The following ADAMTSL1 variants were observed in gnomAD, a reference collection of about 807,000 sequenced individuals.
ADAMTSL1 encodes the protein ADAMTS-like protein 1.
A neutral mutation model predicts 201.8 loss-of-function variants in ADAMTSL1; 126 were observed. The observed-to-expected ratio is 0.62, with a 90% confidence interval of 0.54 to 0.72. ADAMTSL1 has a LOEUF of 0.72. Among genes scored for constraint, ADAMTSL1 ranks in the 30% least tolerant of loss-of-function variants. The pLI, the probability that ADAMTSL1 is intolerant of heterozygous loss-of-function variation, is 0.00. For missense variants in ADAMTSL1, 2,679 were observed against 2,277.8 expected (o/e 1.18, Z -3.59); for synonymous variants, 1,121 against 903.4 (o/e 1.24, Z -4.32).
intron 2 of ADAMTSL1, among the ~76,000 whole-genome samples, chr9:18,269,827 G>A (rs929498479): frequency 2.1e-5 from 3 of 142,846 alleles, no homozygotes; most frequent in Admixed American, 7.4e-5. Flanking sequence ...TCTGCAGAGA[G>A]TTTGTTTCCT....
chr9:18,487,727 T>C (rs572009834), intron 1 of ADAMTSL1, among the ~76,000 whole-genome samples: 2 of 152,306 alleles, frequency 1.3e-5, no homozygotes, highest in South Asian at 4.1e-4. Context: ...TATTCAGTGC[T>C]TAGAGCAAAC....
intron 1 of ADAMTSL1, among the ~76,000 whole-genome samples, chr9:17,961,291 C>T (rs982214516): frequency 1.3e-5 from 2 of 152,024 alleles, no homozygotes; most frequent in Non-Finnish European, 2.9e-5. Flanking sequence ...TCTTGTTGCC[C>T]AGGCTGGAGT....
chr9:17,919,176 AT>A (rs1210921067), intron 1 of ADAMTSL1, among the ~76,000 whole-genome samples: 9 of 151,886 alleles, frequency 5.9e-5, no homozygotes, highest in Non-Finnish European at 1.0e-4. Flanking sequence ...CATTAAAAAA[AT>A]CAATGATAAG....
chr9:18,125,986 A>T (rs931903456), intron 1 of ADAMTSL1, among the ~76,000 whole-genome samples: 1 of 152,160 alleles, frequency 6.6e-6, no homozygotes, highest in African/African-American at 2.4e-5. Flanking sequence ...TTGCAACTAG[A>T]GTGTGAACAT....
At chr9:18,873,536 C>G (rs991092456) in intron 23 of ADAMTSL1, among the ~76,000 whole-genome samples, 1 of 152,160 alleles carries the variant, frequency 6.6e-6, no homozygotes, top group Non-Finnish European at 1.5e-5. Context: ...ATTATCCCAG[C>G]ACCTTTTATT....
At chr9:18,401,544 C>T (rs1259068395) in intron 2 of ADAMTSL1, among the ~76,000 whole-genome samples, 1 of 152,192 alleles carries the variant, frequency 6.6e-6, no homozygotes, top group Non-Finnish European at 1.5e-5. Context: ...TCTGAAGCAT[C>T]ACCAAATTTT....
At chr9:18,788,640 C>A (rs75159736) in intron 19 of ADAMTSL1, among the ~76,000 whole-genome samples, 1,817 of 152,244 alleles carry the variant, frequency 0.012, 33 homozygotes, top group African/African-American at 0.035. Context: ...AATACTAGCA[C>A]CCGCTCCCGC....
At chr9:17,983,051 TTTTCTTTTCTTTCTTTCTTTCTTTC>T in intron 1 of ADAMTSL1, among the ~76,000 whole-genome samples, 1 of 141,642 alleles carries the variant, frequency 7.1e-6, no homozygotes. Flanking sequence ...TTCATTTTCT[TTTTCTTTTCTTTCTTTCTTTCTTTC>T]TTTTTTTTTT....
intron 5 of ADAMTSL1, 89 bp downstream of exon 5, chr9:18,622,458 A>C (rs771716477): frequency 6.4e-7 from 1 of 1,568,384 alleles, no homozygotes; most frequent in Non-Finnish European, 8.7e-7. Context: ...CCAGGGAACA[A>C]CACCTCCACC....
intron 1 of ADAMTSL1, among the ~76,000 whole-genome samples, chr9:17,924,133 G>C (rs973339852): frequency 6.7e-6 from 1 of 149,742 alleles, no homozygotes; most frequent in Non-Finnish European, 1.5e-5. Flanking sequence ...AATGATGCTG[G>C]CCTCATAAAA....
intron 2 of ADAMTSL1, among the ~76,000 whole-genome samples, chr9:18,264,726 A>C (rs1832052497): frequency 6.6e-6 from 1 of 152,212 alleles, no homozygotes; most frequent in African/African-American, 2.4e-5. Context: ...ATACCTACCA[A>C]AATTGAGTTT....
intron 1 of ADAMTSL1, among the ~76,000 whole-genome samples, chr9:17,976,823 A>C (rs947558410): frequency 9.7e-5 from 14 of 144,546 alleles, no homozygotes; most frequent in African/African-American, 3.6e-4. Context: ...GATGCCTTTT[A>C]TTTTGTTTTT....
intron 17 of ADAMTSL1, among the ~76,000 whole-genome samples, chr9:18,772,955 G>C (rs1327564452): frequency 6.6e-6 from 1 of 152,180 alleles, no homozygotes; most frequent in Non-Finnish European, 1.5e-5. Context: ...GGCTGGGAAT[G>C]GTGGGAAGTA....
chr9:18,180,377 C>G (rs1828402992), intron 2 of ADAMTSL1, among the ~76,000 whole-genome samples: 1 of 151,570 alleles, frequency 6.6e-6, no homozygotes, highest in Admixed American at 6.6e-5. Flanking sequence ...ACTAAAAATA[C>G]AAAAAATTAG....
chr9:17,975,149 C>T (rs560252917), intron 1 of ADAMTSL1, among the ~76,000 whole-genome samples: 11 of 151,940 alleles, frequency 7.2e-5, no homozygotes, highest in African/African-American at 2.4e-4. Context: ...TTTGTATGGC[C>T]ATTTCTATGT....
chr9:18,032,873 G>T (rs1195224674), intron 1 of ADAMTSL1, among the ~76,000 whole-genome samples: 4 of 141,104 alleles, frequency 2.8e-5, no homozygotes, highest in African/African-American at 1.0e-4. Flanking sequence ...AACCTGTCCT[G>T]GTGCTCAGTG....
chr9:18,068,067 G>A (rs567697859), intron 1 of ADAMTSL1, among the ~76,000 whole-genome samples: 1 of 152,298 alleles, frequency 6.6e-6, no homozygotes, highest in African/African-American at 2.4e-5. Flanking sequence ...GCCATCTGAA[G>A]TGGTTTGGTC....
At chr9:18,374,884 T>TG (rs1445653403) in intron 2 of ADAMTSL1, among the ~76,000 whole-genome samples, 1 of 152,246 alleles carries the variant, frequency 6.6e-6, no homozygotes, top group Non-Finnish European at 1.5e-5. Flanking sequence ...GTTCAACTGC[T>TG]GGGGGATTAT....
chr9:18,418,897 G>C (rs763093330), intron 2 of ADAMTSL1, among the ~76,000 whole-genome samples: 1 of 152,172 alleles, frequency 6.6e-6, no homozygotes, highest in African/African-American at 2.4e-5. Context: ...ATTTGGAAAA[G>C]ACATAAAGTT....
Sources: gnomAD v4.1 joint callset for allele counts (sites outside exome capture counted in the v4.1 genomes callset) on GRCh38, gnomAD v4.1.1 for gene constraint, MANE v1.5 for transcripts, NCBI Gene and HGNC (gene_info 2026-07-23, HGNC 2026-07-21) for gene names.